Variants in PACRG observed in about 807,000 individuals in gnomAD.
The protein encoded by PACRG is parkin coregulated gene protein.
Under a neutral mutation model 29.7 loss-of-function variants are expected in PACRG, and 29 were observed. The observed-to-expected ratio is 0.98, with a 90% CI of 0.73 to 1.33. The LOEUF is 1.33. Ranked by LOEUF, PACRG falls within the 40% of genes most tolerant of loss-of-function variation. The pLI is 0.00. For synonymous variants in PACRG, 116 were observed against 118.7 expected, an observed-to-expected ratio of 0.98 and a Z score of 0.15; for missense variants, 279 against 316.2, an observed-to-expected ratio of 0.88 and a Z score of 0.89.
chr6:163,212,173 G>A (rs552527323), intron 4 of PACRG, among the ~76,000 whole-genome samples: 15 of 152,256 alleles, frequency 9.9e-5, no homozygotes, highest in Admixed American at 2.6e-4. Context: ...TGAAAAGATA[G>A]AGAATTTGAA....
chr6:162,917,819 T>TG (rs1227864855), intron 2 of PACRG, among the ~76,000 whole-genome samples: 1 of 152,148 alleles, frequency 6.6e-6, no homozygotes, highest in African/African-American at 2.4e-5. Flanking sequence ...AAAAGAGCTT[T>TG]GAGAGAATAA....
At chr6:162,775,740 G>T (rs1011461425) in intron 1 of PACRG, among the ~76,000 whole-genome samples, 1 of 152,134 alleles carries the variant, frequency 6.6e-6, no homozygotes, top group Non-Finnish European at 1.5e-5. Flanking sequence ...CTGTATATCA[G>T]CTTCTTTTCC....
intron 1 of PACRG, among the ~76,000 whole-genome samples, chr6:162,786,936 G>T (rs138037761): frequency 6.6e-5 from 10 of 151,884 alleles, no homozygotes; most frequent in Non-Finnish European, 1.2e-4. Context: ...CTAATATAGC[G>T]CACGATAAAC....
At chr6:162,981,249 G>T (rs371394514) in intron 2 of PACRG, among the ~76,000 whole-genome samples, 1 of 149,942 alleles carries the variant, frequency 6.7e-6, no homozygotes, top group East Asian at 2.0e-4. Flanking sequence ...GTATTCCATG[G>T]TGTATATCTA....
chr6:162,958,310 C>A (rs1800224123), intron 2 of PACRG, among the ~76,000 whole-genome samples: 1 of 152,078 alleles, frequency 6.6e-6, no homozygotes. Context: ...TTTAAATATT[C>A]ATTTAAAAAC....
chr6:163,029,542 A>G (rs1807461577), intron 2 of PACRG, among the ~76,000 whole-genome samples: 1 of 152,236 alleles, frequency 6.6e-6, no homozygotes, highest in South Asian at 2.1e-4. Flanking sequence ...CTGCGTTGCC[A>G]GCCATGTGGA....
chr6:163,121,876 A>G (rs1816290949), intron 4 of PACRG, among the ~76,000 whole-genome samples: 2 of 151,682 alleles, frequency 1.3e-5, no homozygotes, highest in Non-Finnish European at 2.9e-5. Flanking sequence ...GTTAGCCAGG[A>G]TGGTCTCAAT....
At chr6:163,008,866 C>G (rs916533207) in intron 2 of PACRG, among the ~76,000 whole-genome samples, 1 of 151,934 alleles carries the variant, frequency 6.6e-6, no homozygotes, top group Admixed American at 6.6e-5. Flanking sequence ...GCTTAGCACT[C>G]CTGACCTCCT....
chr6:163,013,609 G>T (rs1322922544), intron 2 of PACRG, among the ~76,000 whole-genome samples: 1 of 152,152 alleles, frequency 6.6e-6, no homozygotes, highest in African/African-American at 2.4e-5. Context: ...ATTTTGAGGA[G>T]CTGTGCACAT....
chr6:162,886,782 C>T (rs1380261407), intron 2 of PACRG, among the ~76,000 whole-genome samples: 2 of 151,978 alleles, frequency 1.3e-5, no homozygotes, highest in East Asian at 3.9e-4. Context: ...TTTGCTTTTT[C>T]CTGGAGGAAA....
Position 162,853,380 on chromosome 6 carries a change from G to A in PACRG, c.291+39099G>A, listed in dbSNP as rs193095479. Among the ~76,000 whole-genome samples, 54 of 152,160 alleles carry A rather than the reference G, an allele frequency of 3.5e-4. 1 individual carries two copies. Among genetic ancestry groups the A allele is most frequent in the Non-Finnish European group, 5.4e-4 (37 of 68,016 alleles). The stretch of plus-strand genomic sequence containing the variant: ...TACCTGGTTGAACCACTGACTTACC[G>A]TACGTTTTAACTTTCCTGATATCCT... On this transcript the variant is annotated intron_variant, in intron 2 of 4. Coordinates refer to ENST00000366888, the MANE Select transcript of PACRG (RefSeq NM_001080379.2). The surrounding 1 kb of genome is among the most constrained non-coding windows in gnomAD (Gnocchi z 4.7).
At chr6:163,152,622 C>A (rs1235131242) in intron 4 of PACRG, among the ~76,000 whole-genome samples, 1 of 152,184 alleles carries the variant, frequency 6.6e-6, no homozygotes, top group African/African-American at 2.4e-5. Context: ...CCATTCCTAA[C>A]TTATCATTGC....
intron 2 of PACRG, among the ~76,000 whole-genome samples, chr6:162,883,671 G>T (rs570790154): frequency 7.6e-5 from 11 of 144,268 alleles, no homozygotes; most frequent in African/African-American, 2.8e-4. Flanking sequence ...GGCATCAAAC[G>T]ATTTTTCAAA....
At chr6:163,127,934 A>G (rs147467020) in intron 4 of PACRG, among the ~76,000 whole-genome samples, 1,541 of 152,332 alleles carry the variant, frequency 0.01, 30 homozygotes, top group African/African-American at 0.036. Flanking sequence ...TTTGTAATCC[A>G]TCTCATAACA....
At chr6:163,302,843 A>G (rs62428042) in intron 4 of PACRG, among the ~76,000 whole-genome samples, 15,123 of 152,228 alleles carry the variant, frequency 0.099, 784 homozygotes, top group Non-Finnish European at 0.12. Context: ...CAAGCAGTAC[A>G]TCAAGGCCAT....
intron 2 of PACRG, among the ~76,000 whole-genome samples, chr6:163,037,109 T>C (rs1346665656): frequency 1.3e-5 from 2 of 152,224 alleles, no homozygotes; most frequent in Non-Finnish European, 2.9e-5. Context: ...TAACCCTCTT[T>C]GTCATCCGTA....
At chr6:163,065,954 A>T (rs1035317003) in intron 3 of PACRG, among the ~76,000 whole-genome samples, 1 of 152,222 alleles carries the variant, frequency 6.6e-6, no homozygotes, top group East Asian at 1.9e-4. Context: ...TAGAACACAA[A>T]AGAGTTAAAA....
chr6:163,280,798 A>G (rs145667341), intron 4 of PACRG, among the ~76,000 whole-genome samples: 1 of 152,292 alleles, frequency 6.6e-6, no homozygotes, highest in East Asian at 1.9e-4. Flanking sequence ...CTATTAGATC[A>G]TCTGACCTCG....
chr6:162,983,634 C>A (rs1802622724), intron 2 of PACRG, among the ~76,000 whole-genome samples: 1 of 152,010 alleles, frequency 6.6e-6, no homozygotes, highest in Admixed American at 6.6e-5. Flanking sequence ...AAAGATAGGA[C>A]CCCAATCCCT....
Sources: allele counts gnomAD v4.1 joint callset (sites outside exome capture counted in the v4.1 genomes callset), GRCh38; gene constraint gnomAD v4.1.1; non-coding constraint Gnocchi (gnomAD v3.1); transcripts MANE v1.5; gene names NCBI Gene and HGNC (gene_info 2026-07-23, HGNC 2026-07-21).